STT3B: variants seen among roughly 807,000 people sequenced by gnomAD.
The protein encoded by STT3B is dolichyl-diphosphooligosaccharide--protein glycosyltransferase subunit STT3B.
A neutral mutation model predicts 96.8 loss-of-function variants in STT3B; 29 were observed. The ratio of observed to expected loss-of-function variants is 0.30; its 90% CI spans 0.22 to 0.41. The LOEUF (loss-of-function observed/expected upper bound fraction) is 0.41, where lower values mean the gene tolerates loss of function less well. STT3B is among the 10% of genes least tolerant of loss of function. The pLI is 1.00. For missense variants in STT3B, 640 were observed against 1,022.3 expected (o/e 0.63, Z 5.10); for synonymous variants, 367 against 360.0 (o/e 1.02, Z -0.22).
chr3:31,636,445 C>T lies in STT3B; in HGVS notation c.*381C>T, dbSNP rs527534086. On this transcript the variant is annotated 3_prime_UTR_variant, in exon 16 of 16. Coordinates refer to ENST00000295770, the MANE Select transcript of STT3B (RefSeq NM_178862.3). ...CAAGACCTGCATTTTATTTGAATTA[C>T]CCGAATAGCAATATGTAAAATACAA... 12 of 159,486 alleles carry T rather than the reference C, an allele frequency of 7.5e-5. No homozygotes were observed. The South Asian group carries it at 2.4e-3, about 32-fold the overall frequency. The allele number at this position is 159,486 out of a possible 1,614,324, so 9.9% of individuals were successfully genotyped here. A position where few individuals can be genotyped will look rare whatever the true frequency, so the allele number is the denominator to read the frequency against.
chr3:31,618,834 G>A (rs181321347), intron 8 of STT3B, among the ~76,000 whole-genome samples: 1 of 151,794 alleles, frequency 6.6e-6, no homozygotes, highest in East Asian at 1.9e-4. Context: ...ATTCTGATTA[G>A]GTTAAATTAC....
chr3:31,624,114 C>T (rs1441591278), intron 11 of STT3B, among the ~76,000 whole-genome samples: 2 of 151,958 alleles, frequency 1.3e-5, no homozygotes, highest in Non-Finnish European at 2.9e-5. Context: ...ACTATTTATC[C>T]TTTCAGTTAC....
Position 31,596,873 on chromosome 3 carries a change from C to G in STT3B, c.777+10C>G. On this transcript the variant is annotated intron_variant, in intron 4 of 15. Coordinates refer to ENST00000295770, the MANE Select transcript of STT3B (RefSeq NM_178862.3). ...ATCCTATTTCTATATGGTAAGATTT[C>G]ATATTTGAGACTACATGAAGTCTAG... 6.2e-7 allele frequency: 1 copy of G among 1,602,860 alleles called. No individual in the cohort carries two copies. The highest frequency in any genetic ancestry group is 8.5e-7 in the Non-Finnish European group (1 of 1,171,030).
At chr3:31,550,045 T>C (rs1697513683) in intron 1 of STT3B, among the ~76,000 whole-genome samples, 1 of 152,168 alleles carries the variant, frequency 6.6e-6, no homozygotes, top group Non-Finnish European at 1.5e-5. Context: ...ATTTTTTTTG[T>C]TGTCAGTTGC....
At chr3:31,598,430 G>A (rs2125462478) in intron 4 of STT3B, among the ~76,000 whole-genome samples, 1 of 152,268 alleles carries the variant, frequency 6.6e-6, no homozygotes, top group African/African-American at 2.4e-5. Flanking sequence ...GGAAGTTTTG[G>A]TGAAAAAGAT....
At chr3:31,565,239 A>C (rs1478710351) in intron 1 of STT3B, among the ~76,000 whole-genome samples, 1 of 152,206 alleles carries the variant, frequency 6.6e-6, no homozygotes, top group Non-Finnish European at 1.5e-5. Context: ...AGGAAAAATT[A>C]TGTGAGAACA....
chr3:31,564,966 A>G (rs192602769), intron 1 of STT3B, among the ~76,000 whole-genome samples: 71 of 152,338 alleles, frequency 4.7e-4, no homozygotes, highest in Admixed American at 6.5e-4. Context: ...GGTGATAATA[A>G]TGGAAGTTCT....
At position 31,613,353 on chromosome 3, in the gene STT3B, C is replaced by T. The variant is rs562504962; in HGVS notation, c.878-1752C>T. On this transcript the variant is annotated intron_variant, in intron 5 of 15. Coordinates refer to ENST00000295770, the MANE Select transcript of STT3B (RefSeq NM_178862.3). ...GAAATCCAGCTTCAGAAGTGATTGTCGTGTTTCAACATAAGTGGACTTAGC... is the reference window on the plus strand; with the variant it reads ...GAAATCCAGCTTCAGAAGTGATTGTTGTGTTTCAACATAAGTGGACTTAGC... 1.1e-4 allele frequency among the ~76,000 whole-genome samples: 16 copies of T among 152,128 alleles called. No individual in the cohort carries two copies. In the East Asian group the frequency reaches 2.9e-3, roughly 28 times the overall value.
At chr3:31,590,406 T>C (rs536849134) in intron 3 of STT3B, among the ~76,000 whole-genome samples, 54 of 152,042 alleles carry the variant, frequency 3.6e-4, no homozygotes, top group Non-Finnish European at 4.3e-4. Context: ...ATTTCTACTT[T>C]TCTAGTATAA....
chr3:31,591,134 T>C (rs1170307043), intron 3 of STT3B, among the ~76,000 whole-genome samples: 1 of 152,084 alleles, frequency 6.6e-6, no homozygotes, highest in Non-Finnish European at 1.5e-5. Context: ...GTTCCTGCTT[T>C]ATATATTTTA....
intron 1 of STT3B, among the ~76,000 whole-genome samples, chr3:31,573,050 A>AG (rs1017344842): frequency 5.9e-5 from 9 of 152,158 alleles, no homozygotes; most frequent in African/African-American, 1.9e-4. Flanking sequence ...TAACTGGGAT[A>AG]GGGAGGGAGA....
intron 12 of STT3B, 130 bp downstream of exon 12, chr3:31,625,215 CAT>C (rs1699509972): frequency 1.4e-6 from 1 of 735,866 alleles, no homozygotes; most frequent in Non-Finnish European, 2.1e-6. Flanking sequence ...CTTTTTTACA[CAT>C]ATGTTCAATA....
rs1241261410 is a variant in STT3B, at chr3:31,533,370, C to T, written c.314+58C>T. On this transcript the variant is annotated intron_variant, in intron 1 of 15. Coordinates refer to ENST00000295770, the MANE Select transcript of STT3B (RefSeq NM_178862.3). ...GCCCGCGGGGAACCGGGACCCGCTC[C>T]TCCGCCCGCCGCAGCTCTCCTCGAC... 2.9e-6 allele frequency: 4 copies of T among 1,389,958 alleles called. No individual in the cohort carries two copies. In the African/African-American group the frequency reaches 4.5e-5, roughly 16 times the overall value. 86.1% of individuals were successfully genotyped at this position (1,389,958 alleles called of 1,614,324 possible). A position where few individuals can be genotyped will look rare whatever the true frequency, so the allele number is the denominator to read the frequency against.
rs1229173224 is a variant in STT3B, at chr3:31,630,842, G to A, written c.2187+1431G>A. Among the ~76,000 whole-genome samples the A allele has an allele frequency of 5.3e-5, 8 of 151,964 alleles. No homozygotes were observed. The East Asian group carries it at 1.5e-3, about 29-fold the overall frequency. On this transcript the variant is annotated intron_variant, in intron 14 of 15. Coordinates refer to ENST00000295770, the MANE Select transcript of STT3B (RefSeq NM_178862.3). The stretch of plus-strand genomic sequence containing the variant: ...GAGGGAGTCTCGCTCTGTCGCCCAG[G>A]CTGGAGTACAGTGGTGTGATCTCGG...
intron 3 of STT3B, among the ~76,000 whole-genome samples, chr3:31,586,976 A>T (rs180991633): frequency 2.6e-5 from 4 of 152,236 alleles, no homozygotes; most frequent in Non-Finnish European, 5.9e-5. Context: ...TTATCTTAAT[A>T]TGTAGTCTTC....
At chr3:31,621,530 A>G (rs1466152773) in intron 9 of STT3B, among the ~76,000 whole-genome samples, 1 of 152,202 alleles carries the variant, frequency 6.6e-6, no homozygotes, top group Non-Finnish European at 1.5e-5. Flanking sequence ...CTTCAGCCAG[A>G]AATAGTTAGA....
At chr3:31,555,964 C>G (rs1697698934) in intron 1 of STT3B, among the ~76,000 whole-genome samples, 1 of 152,014 alleles carries the variant, frequency 6.6e-6, no homozygotes, top group African/African-American at 2.4e-5. Context: ...CTATGGTCAC[C>G]CTACTCTGCT....
intron 1 of STT3B, among the ~76,000 whole-genome samples, chr3:31,544,700 A>G (rs1197694193): frequency 6.6e-6 from 1 of 152,228 alleles, no homozygotes; most frequent in African/African-American, 2.4e-5. Flanking sequence ...GCGGTGGCTT[A>G]TGCCTATAAT....
intron 1 of STT3B, among the ~76,000 whole-genome samples, chr3:31,566,711 A>G (rs1698016254): frequency 6.6e-6 from 1 of 151,860 alleles, no homozygotes; most frequent in Non-Finnish European, 1.5e-5. Context: ...AGCAATCTCT[A>G]CCCCTTCCTC....
Sources: gnomAD v4.1 joint callset for allele counts (sites outside exome capture counted in the v4.1 genomes callset) on GRCh38, gnomAD v4.1.1 for gene constraint, MANE v1.5 for transcripts, NCBI Gene and HGNC (gene_info 2026-07-23, HGNC 2026-07-21) for gene names.